Variants in FOXP1 observed in about 807,000 individuals in gnomAD.
FOXP1 encodes the protein forkhead box protein P1.
In FOXP1, 15 loss-of-function variants were observed where a neutral mutation model predicts 98.2. The ratio of observed to expected loss-of-function variants is 0.15; its 90% CI spans 0.10 to 0.24. The LOEUF (loss-of-function observed/expected upper bound fraction) is 0.24. Among genes scored for constraint, FOXP1 ranks in the 10% least tolerant of loss-of-function variants. The pLI, the probability that FOXP1 is intolerant of heterozygous loss-of-function variation, is 1.00. For synonymous variants in FOXP1, 371 were observed against 314.5 expected (o/e 1.18, Z -1.90); for missense variants, 633 against 848.5 (o/e 0.75, Z 3.15).
At chr3:71,132,901 C>T (rs2059641158) in intron 6 of FOXP1, among the ~76,000 whole-genome samples, 1 of 151,640 alleles carries the variant, frequency 6.6e-6, no homozygotes, top group African/African-American at 2.4e-5. Context: ...ATATAGCTAT[C>T]AGATGTGCTA....
chr3:71,188,693 G>A (rs751613257), intron 6 of FOXP1, among the ~76,000 whole-genome samples: 5 of 152,198 alleles, frequency 3.3e-5, no homozygotes, highest in Non-Finnish European at 5.9e-5. Flanking sequence ...GATTACAGGC[G>A]TGAGCCACCA....
chr3:71,479,776 A>G (rs542722088), intron 3 of FOXP1, among the ~76,000 whole-genome samples: 173 of 152,200 alleles, frequency 1.1e-3, no homozygotes, highest in Non-Finnish European at 2.1e-3. Context: ...CAGAAAAATT[A>G]TAAGGATTAA....
At chr3:71,412,080 T>C (rs1409012725) in intron 3 of FOXP1, among the ~76,000 whole-genome samples, 5 of 152,194 alleles carry the variant, frequency 3.3e-5, no homozygotes, top group African/African-American at 9.7e-5. Context: ...TGTCTCTCCC[T>C]GCAGTCCTTG....
rs145060619 is a variant in FOXP1 at position 71,271,752 on chromosome 3, C to A, written c.-12+28068G>T. ...CAGAGAGACAGAGGCTGCTCACGTA[C>A]CAAAAAATAGAAAGGAGACAAAGAG... On this transcript the variant is annotated intron_variant, in intron 5 of 20. Coordinates refer to ENST00000649528, the MANE Select transcript of FOXP1 (RefSeq NM_001349338.3). Among the ~76,000 whole-genome samples, 275 of 152,168 alleles carry A rather than the reference C, an allele frequency of 1.8e-3. 2 individuals are homozygous for A. Among genetic ancestry groups the A allele is most frequent in the Middle Eastern group, 3.4e-3 (1 of 294 alleles).
chr3:71,267,877 T>A (rs2069857422), intron 5 of FOXP1, among the ~76,000 whole-genome samples: 1 of 151,794 alleles, frequency 6.6e-6, no homozygotes, highest in African/African-American at 2.4e-5. Context: ...AATTAGCCAG[T>A]CATGGTAGTG....
At chr3:71,333,110 C>A (rs995935189) in intron 4 of FOXP1, 2 of 152,050 alleles carry the variant, frequency 1.3e-5, no homozygotes, top group Non-Finnish European at 1.5e-5. Context: ...GCATAGGACT[C>A]CACACTGAGG....
chr3:71,126,234 C>T (rs2059160806), intron 6 of FOXP1, among the ~76,000 whole-genome samples: 1 of 152,012 alleles, frequency 6.6e-6, no homozygotes. Context: ...CCTGTAATCC[C>T]AGCAATTTGG....
chr3:70,990,286 C>A (rs1401905700), intron 13 of FOXP1, among the ~76,000 whole-genome samples: 4 of 152,158 alleles, frequency 2.6e-5, no homozygotes, highest in African/African-American at 9.7e-5. Flanking sequence ...TTAACAATTA[C>A]AGAAAGAAAC....
intron 5 of FOXP1, among the ~76,000 whole-genome samples, chr3:71,262,726 T>G (rs1223818911): frequency 2.6e-5 from 4 of 152,202 alleles, no homozygotes; most frequent in Non-Finnish European, 5.9e-5. Flanking sequence ...AGGAGAGATT[T>G]CCACTGGGGC....
chr3:71,232,394 A>G (rs77251358), intron 5 of FOXP1, among the ~76,000 whole-genome samples: 3,424 of 152,298 alleles, frequency 0.022, 134 homozygotes, highest in African/African-American at 0.078. Flanking sequence ...GACAGAGAGG[A>G]GAAGCAGCAC....
intron 10 of FOXP1, 28 bp from the exon 11 acceptor site, chr3:71,041,560 T>G: frequency 6.3e-7 from 1 of 1,591,702 alleles, no homozygotes; most frequent in Non-Finnish European, 8.6e-7. Flanking sequence ...GATAATTAAA[T>G]CAATTAACAG....
intron 7 of FOXP1, among the ~76,000 whole-genome samples, chr3:71,082,262 CAGTG>C (rs984591852): frequency 7.1e-6 from 1 of 141,102 alleles, no homozygotes. Context: ...CTGGGTGACA[CAGTG>C]AGACTCTGTT....
intron 10 of FOXP1, among the ~76,000 whole-genome samples, chr3:71,043,067 C>T (rs1174962185): frequency 6.6e-6 from 1 of 152,270 alleles, no homozygotes; most frequent in East Asian, 1.9e-4. Context: ...TAACCTTCCC[C>T]GCCTTTCTGA....
At chr3:71,136,063 T>C (rs1337437337) in intron 6 of FOXP1, among the ~76,000 whole-genome samples, 2 of 152,206 alleles carry the variant, frequency 1.3e-5, no homozygotes, top group East Asian at 3.9e-4. Flanking sequence ...GAGTTAAATA[T>C]GATTTATCTA....
chr3:71,072,319 C>A (rs548866708), intron 7 of FOXP1, among the ~76,000 whole-genome samples: 2 of 152,104 alleles, frequency 1.3e-5, no homozygotes, highest in African/African-American at 2.4e-5. Flanking sequence ...AGAATGAGAC[C>A]CCATCTCTAC....
intron 6 of FOXP1, among the ~76,000 whole-genome samples, chr3:71,135,233 C>A (rs980599359): frequency 7.2e-6 from 1 of 138,360 alleles, no homozygotes; most frequent in Non-Finnish European, 1.5e-5. Context: ...CACTTCAGCC[C>A]GGCAACAGTG....
intron 6 of FOXP1, among the ~76,000 whole-genome samples, chr3:71,177,580 G>A (rs1288034103): frequency 6.6e-6 from 1 of 152,136 alleles, no homozygotes; most frequent in Non-Finnish European, 1.5e-5. Context: ...GCAGATGTAG[G>A]GTGAAATCTG....
chr3:71,117,089 CT>C (rs11380918), intron 6 of FOXP1, among the ~76,000 whole-genome samples: 41 of 148,440 alleles, frequency 2.8e-4, no homozygotes, highest in Non-Finnish European at 3.0e-4. Context: ...AGAGATAAAT[CT>C]TTTTTTTTTT....
intron 2 of FOXP1, among the ~76,000 whole-genome samples, chr3:71,533,056 A>C (rs1174914453): frequency 6.6e-6 from 1 of 152,248 alleles, no homozygotes; most frequent in Non-Finnish European, 1.5e-5. Context: ...GTTACCATAC[A>C]AGTTTTAACA....
Sources: gnomAD v4.1 joint callset for allele counts (sites outside exome capture counted in the v4.1 genomes callset) on GRCh38, gnomAD v4.1.1 for gene constraint, MANE v1.5 for transcripts, NCBI Gene and HGNC (gene_info 2026-07-23, HGNC 2026-07-21) for gene names.